SAXO1: variants seen among roughly 807,000 people sequenced by gnomAD.
The protein encoded by SAXO1 is 4930500O09Rik.
Under a neutral mutation model 17.5 loss-of-function variants are expected in SAXO1, and 21 were observed. That is an observed-to-expected ratio of 1.20 (90% CI 0.85 to 1.72). SAXO1 has a LOEUF of 1.72. SAXO1 is among the 40% of genes most tolerant of loss of function. The pLI is 0.00. For missense variants in SAXO1, 843 were observed against 596.0 expected (o/e 1.41, Z -4.32); for synonymous variants, 274 against 216.5 (o/e 1.27, Z -2.33).
At chr9:19,006,835 C>A (rs1193348417) in intron 1 of SAXO1, among the ~76,000 whole-genome samples, 1 of 152,026 alleles carries the variant, frequency 6.6e-6, no homozygotes, top group East Asian at 1.9e-4. Flanking sequence ...CACTTGAGGT[C>A]AAGCGTTCAA....
At chr9:19,010,758 A>G (rs1834698604) in intron 1 of SAXO1, among the ~76,000 whole-genome samples, 1 of 152,228 alleles carries the variant, frequency 6.6e-6, no homozygotes, top group Non-Finnish European at 1.5e-5. Context: ...ACAGTATTCT[A>G]GGAAATTTTC....
chr9:19,030,082 G>A (rs2131047806), intron 1 of SAXO1, among the ~76,000 whole-genome samples: 1 of 152,324 alleles, frequency 6.6e-6, no homozygotes, highest in South Asian at 2.1e-4. Context: ...TTGATGGGGA[G>A]CCACAGGGCT....
At chr9:18,994,988 G>C (rs996261725) in intron 1 of SAXO1, among the ~76,000 whole-genome samples, 4 of 152,170 alleles carry the variant, frequency 2.6e-5, no homozygotes, top group Admixed American at 6.5e-5. Context: ...ATATGTCAAG[G>C]TTGTGGTTCC....
rs137935692 is a variant in SAXO1 at position 18,985,582 on chromosome 9, T to C, written c.39-34645A>G. 4.3e-3 allele frequency among the ~76,000 whole-genome samples: 654 copies of C among 152,152 alleles called. 3 individuals are homozygous for C. Among genetic ancestry groups the C allele is most frequent in the African/African-American group, 0.015 (625 of 41,492 alleles). ...GACTGGAGTTACAGGGCTCCTCGAG[T>C]GTACTCTCCTGGCAAAGCTGCCCAA... On this transcript the variant is annotated intron_variant, in intron 1 of 3. Transcript: ENST00000380534.
At chr9:19,004,337 G>C (rs112266147) in intron 1 of SAXO1, among the ~76,000 whole-genome samples, 35 of 152,016 alleles carry the variant, frequency 2.3e-4, no homozygotes, top group African/African-American at 7.9e-4. Context: ...GATTCCTCAA[G>C]GTTCTAGAAC....
chr9:18,937,111 A>T (rs1831327512), intron 3 of SAXO1, among the ~76,000 whole-genome samples: 1 of 152,218 alleles, frequency 6.6e-6, no homozygotes, highest in Non-Finnish European at 1.5e-5. Flanking sequence ...AGACTTAAGA[A>T]AGCAGCAAAT....
intron 1 of SAXO1, among the ~76,000 whole-genome samples, chr9:18,971,472 C>G (rs1832940981): frequency 6.6e-6 from 1 of 152,070 alleles, no homozygotes; most frequent in East Asian, 1.9e-4. Context: ...TTAATTTAAA[C>G]AATGAATGGA....
intron 1 of SAXO1, among the ~76,000 whole-genome samples, chr9:19,013,171 A>G (rs936368589): frequency 1.1e-4 from 17 of 152,180 alleles, no homozygotes; most frequent in Non-Finnish European, 2.2e-4. Context: ...AATACACTTG[A>G]TCTTAGCCAA....
intron 1 of SAXO1, among the ~76,000 whole-genome samples, chr9:19,021,558 A>G (rs1273258071): frequency 6.6e-6 from 1 of 152,178 alleles, no homozygotes; most frequent in Non-Finnish European, 1.5e-5. Context: ...AGATGATGGG[A>G]ATCCCACTGT....
At chr9:19,001,817 A>C (rs1834283026) in intron 1 of SAXO1, among the ~76,000 whole-genome samples, 1 of 152,178 alleles carries the variant, frequency 6.6e-6, no homozygotes. Flanking sequence ...TCGGCACCCT[A>C]ACATCACAAT....
chr9:18,982,950 G>T (rs189549019), intron 1 of SAXO1, among the ~76,000 whole-genome samples: 145 of 152,276 alleles, frequency 9.5e-4, no homozygotes, highest in Admixed American at 8.6e-3. Flanking sequence ...AGCTTAGTGT[G>T]AACACTAAGG....
At chr9:19,037,083 G>A (rs1835960301), upstream of SAXO1, among the ~76,000 whole-genome samples, 5 of 152,200 alleles carry the variant, frequency 3.3e-5, no homozygotes, top group South Asian at 8.3e-4. Context: ...AGACTTGCAT[G>A]GGGACTGTAA....
chr9:18,953,598 T>C (rs1832126330), intron 1 of SAXO1, among the ~76,000 whole-genome samples: 2 of 152,180 alleles, frequency 1.3e-5, no homozygotes, highest in African/African-American at 4.8e-5. Context: ...AGTGTGCTCA[T>C]GGAGTCATCT....
Position 18,971,904 on chromosome 9 carries a change from C to G in SAXO1, c.39-20967G>C, listed in dbSNP as rs116577103. On this transcript the variant is annotated intron_variant, in intron 1 of 3. Transcript: ENST00000380534. ...TAAAATGTTAAAGGTAACCCACTCTCACCCCCAAATATCCTGCTTTATATG... is the reference window on the plus strand; with the variant it reads ...TAAAATGTTAAAGGTAACCCACTCTGACCCCCAAATATCCTGCTTTATATG... Among the ~76,000 whole-genome samples the G allele has an allele frequency of 8.0e-3, 1,184 of 148,894 alleles. 19 individuals are homozygous for G. The highest frequency in any genetic ancestry group is 0.028 in the African/African-American group (1,125 of 40,226).
At chr9:18,972,609 G>T (rs1253052780) in intron 1 of SAXO1, among the ~76,000 whole-genome samples, 1 of 152,056 alleles carries the variant, frequency 6.6e-6, no homozygotes, top group East Asian at 1.9e-4. Context: ...AACAGTCTAG[G>T]GCTACAAAGG....
intron 1 of SAXO1, among the ~76,000 whole-genome samples, chr9:18,987,695 T>A (rs1381483065): frequency 6.6e-6 from 1 of 151,922 alleles, no homozygotes; most frequent in Non-Finnish European, 1.5e-5. Flanking sequence ...GCTCAGGAGC[T>A]CAAGGCCAGC....
intron 1 of SAXO1, among the ~76,000 whole-genome samples, chr9:18,984,359 T>C (rs1444699381): frequency 1.3e-5 from 2 of 152,252 alleles, no homozygotes; most frequent in African/African-American, 4.8e-5. Context: ...AAGCCAGGCA[T>C]TGACTTTTCC....
intron 1 of SAXO1, among the ~76,000 whole-genome samples, chr9:19,009,394 C>T (rs1173280514): frequency 6.6e-6 from 1 of 152,076 alleles, no homozygotes; most frequent in Admixed American, 6.6e-5. Context: ...ATTGCAGCTC[C>T]AGTTGAAACT....
chr9:18,948,599 T>C (rs76709612), intron 2 of SAXO1, among the ~76,000 whole-genome samples: 2,559 of 152,212 alleles, frequency 0.017, 78 homozygotes, highest in African/African-American at 0.059. Flanking sequence ...TTAGGACAGG[T>C]CAGAGGGTAA....
Sources: allele counts gnomAD v4.1 joint callset (sites outside exome capture counted in the v4.1 genomes callset), GRCh38; gene constraint gnomAD v4.1.1; transcripts MANE v1.5; gene names NCBI Gene and HGNC (gene_info 2026-07-23, HGNC 2026-07-21).